Variants in CSNK2A2IP observed in about 807,000 individuals in gnomAD.
CSNK2A2IP encodes the protein casein kinase II subunit alpha'-interacting protein.
At chr3:88,445,389 G>A in the CSNK2A2IP span, among the ~76,000 whole-genome samples, 1 of 151,340 alleles carries the variant, frequency 6.6e-6, no homozygotes, top group African/African-American at 2.4e-5. Flanking sequence ...GGCATAGTGA[G>A]CCAAGATCAA....
the CSNK2A2IP span, among the ~76,000 whole-genome samples, chr3:88,421,306 C>T: frequency 2.6e-5 from 4 of 152,128 alleles, no homozygotes; most frequent in Admixed American, 6.6e-5. Context: ...CTACTAAGGC[C>T]GTCTAGTTCC....
At chr3:88,345,033 G>A in the CSNK2A2IP span, among the ~76,000 whole-genome samples, 2 of 151,862 alleles carry the variant, frequency 1.3e-5, no homozygotes, top group Non-Finnish European at 2.9e-5. Flanking sequence ...TTATATTTTG[G>A]CTTTCAACTG....
the CSNK2A2IP span, among the ~76,000 whole-genome samples, chr3:88,398,396 A>G: frequency 1.3e-5 from 2 of 152,148 alleles, no homozygotes; most frequent in Non-Finnish European, 2.9e-5. Context: ...CTCTTAAATT[A>G]TAAAGAATAT....
the CSNK2A2IP span, among the ~76,000 whole-genome samples, chr3:88,422,245 G>A: frequency 6.6e-6 from 1 of 152,086 alleles, no homozygotes; most frequent in Non-Finnish European, 1.5e-5. Flanking sequence ...CTTCTAGGAT[G>A]GAAATGTAAT....
chr3:88,446,082 C>A, the CSNK2A2IP span, among the ~76,000 whole-genome samples: 65 of 98,978 alleles, frequency 6.6e-4, 1 homozygote, highest in African/African-American at 2.3e-3. Context: ...TTCTTTCTTT[C>A]TTTCTTTCTT....
chr3:88,426,741 C>T, the CSNK2A2IP span, among the ~76,000 whole-genome samples: 1 of 152,054 alleles, frequency 6.6e-6, no homozygotes, highest in Non-Finnish European at 1.5e-5. Flanking sequence ...TTTGCCTTCG[C>T]CATGATTGTA....
chr3:88,354,248 A>C, the CSNK2A2IP span, among the ~76,000 whole-genome samples: 19 of 152,204 alleles, frequency 1.2e-4, no homozygotes, highest in Admixed American at 8.5e-4. Context: ...ATGGCAACAC[A>C]AAATAGACTA....
chr3:88,389,528 T>C, the CSNK2A2IP span, among the ~76,000 whole-genome samples: 1 of 152,168 alleles, frequency 6.6e-6, no homozygotes, highest in Admixed American at 6.5e-5. Context: ...TTCTCCTTGT[T>C]GATATAGGAA....
the CSNK2A2IP span, chr3:88,467,317 C>T: frequency 2.5e-6 from 1 of 399,560 alleles, no homozygotes; most frequent in East Asian, 3.6e-5. Flanking sequence ...CTCTTCCTCT[C>T]CTTCCAAAGA....
the CSNK2A2IP span, chr3:88,465,184 C>G: frequency 4.9e-6 from 2 of 405,178 alleles, no homozygotes; most frequent in Admixed American, 8.8e-5. Flanking sequence ...ATCTACACTT[C>G]AATTTTGGAA....
chr3:88,394,669 C>T, the CSNK2A2IP span, among the ~76,000 whole-genome samples: 1 of 152,248 alleles, frequency 6.6e-6, no homozygotes, highest in Admixed American at 6.5e-5. Flanking sequence ...CCAGCACACA[C>T]AGCCTTAATT....
the CSNK2A2IP span, among the ~76,000 whole-genome samples, chr3:88,401,903 G>A: frequency 6.6e-6 from 1 of 152,006 alleles, no homozygotes; most frequent in Non-Finnish European, 1.5e-5. Flanking sequence ...GTGTAAATTA[G>A]CTTAAAAATC....
At chr3:88,448,850 G>A in the CSNK2A2IP span, among the ~76,000 whole-genome samples, 2 of 152,178 alleles carry the variant, frequency 1.3e-5, no homozygotes, top group African/African-American at 4.8e-5. Context: ...AGGTGAGTAA[G>A]AACTGAGCTG....
At chr3:88,418,272 T>G in the CSNK2A2IP span, among the ~76,000 whole-genome samples, 1 of 152,110 alleles carries the variant, frequency 6.6e-6, no homozygotes, top group South Asian at 2.1e-4. Context: ...CTCATAAAAG[T>G]TTTCTTTTTT....
chr3:88,396,584 G>A, the CSNK2A2IP span, among the ~76,000 whole-genome samples: 1 of 152,154 alleles, frequency 6.6e-6, no homozygotes, highest in Admixed American at 6.5e-5. Context: ...GACCTGTGGT[G>A]GGAGGAAACA....
chr3:88,339,385 T>TA, the CSNK2A2IP span, among the ~76,000 whole-genome samples: 1 of 152,136 alleles, frequency 6.6e-6, no homozygotes, highest in Admixed American at 6.6e-5. Context: ...CATTCCTTTT[T>TA]ATGGCTGAAT....
the CSNK2A2IP span, among the ~76,000 whole-genome samples, chr3:88,455,822 T>C: frequency 6.6e-6 from 1 of 152,038 alleles, no homozygotes; most frequent in Admixed American, 6.6e-5. Context: ...GTAGGAGTTT[T>C]ATGGTTTCAG....
chr3:88,424,797 C>G, the CSNK2A2IP span, among the ~76,000 whole-genome samples: 213 of 107,110 alleles, frequency 2.0e-3, 2 homozygotes, highest in African/African-American at 6.6e-3. Flanking sequence ...CCCGTAGCAA[C>G]CTTTAACAAA....
the CSNK2A2IP span, among the ~76,000 whole-genome samples, chr3:88,446,060 T>C: frequency 9.7e-4 from 131 of 135,080 alleles, 4 homozygotes; most frequent in Non-Finnish European, 1.5e-3. Flanking sequence ...CTTTCTTTCT[T>C]TCTTTCTTTC....
Sources: gnomAD v4.1 joint callset for allele counts (sites outside exome capture counted in the v4.1 genomes callset) on GRCh38, gnomAD v4.1.1 for gene constraint, MANE v1.5 for transcripts, NCBI Gene and HGNC (gene_info 2026-07-23, HGNC 2026-07-21) for gene names.